The following BNC2 variants were observed in gnomAD, a reference collection of about 807,000 sequenced individuals.
The protein encoded by BNC2 is zinc finger protein basonuclin-2.
A neutral mutation model predicts 76.3 loss-of-function variants in BNC2; 20 were observed. The ratio of observed to expected loss-of-function variants is 0.26; its 90% CI spans 0.18 to 0.38. BNC2 has a LOEUF of 0.38. BNC2 is among the 10% of genes least tolerant of loss of function. The pLI is 1.00. For missense variants in BNC2, 1,382 were observed against 1,399.8 expected (o/e 0.99, Z 0.20); for synonymous variants, 582 against 514.8 (o/e 1.13, Z -1.77).
intron 6 of BNC2, among the ~76,000 whole-genome samples, chr9:16,434,690 G>A (rs1280901323): frequency 1.3e-5 from 2 of 152,044 alleles, no homozygotes; most frequent in Non-Finnish European, 1.5e-5. Flanking sequence ...AAAGAACCTT[G>A]TAGGTTTAGG....
At chr9:16,614,465 A>AAG (rs1554688685) in intron 3 of BNC2, among the ~76,000 whole-genome samples, 2 of 151,198 alleles carry the variant, frequency 1.3e-5, no homozygotes, top group Non-Finnish European at 3.0e-5. Flanking sequence ...CTTTTCTTGA[A>AAG]AAAAAAAAAA....
intron 3 of BNC2, among the ~76,000 whole-genome samples, chr9:16,663,419 T>G (rs946855646): frequency 6.6e-6 from 1 of 152,210 alleles, no homozygotes; most frequent in East Asian, 1.9e-4. Context: ...TGAGCTACCA[T>G]GCCTGGCCCA....
At chr9:16,825,257 G>C (rs1465629628) in intron 1 of BNC2, among the ~76,000 whole-genome samples, 1 of 152,098 alleles carries the variant, frequency 6.6e-6, no homozygotes, top group East Asian at 1.9e-4. Flanking sequence ...AACCGTCAAA[G>C]TTGGGGCTAT....
intron 1 of BNC2, among the ~76,000 whole-genome samples, chr9:16,865,676 AT>A (rs1182649475): frequency 6.6e-6 from 1 of 152,202 alleles, no homozygotes; most frequent in African/African-American, 2.4e-5. Flanking sequence ...CAAAGAGAAA[AT>A]AGAGCAAAAA....
At chr9:16,695,539 T>C (rs1345175514) in intron 3 of BNC2, among the ~76,000 whole-genome samples, 38 of 32,420 alleles carry the variant, frequency 1.2e-3, no homozygotes, top group Non-Finnish European at 8.8e-3. Context: ...TTCTTTCTTT[T>C]TTTTTTTTTT....
intron 5 of BNC2, among the ~76,000 whole-genome samples, chr9:16,498,464 T>C (rs1822446821): frequency 6.7e-6 from 1 of 150,254 alleles, no homozygotes; most frequent in Non-Finnish European, 1.5e-5. Flanking sequence ...GGAGCTAAGC[T>C]ATGAGGACGC....
chr9:16,750,246 T>C (rs1476622328), intron 1 of BNC2, among the ~76,000 whole-genome samples: 1 of 152,242 alleles, frequency 6.6e-6, no homozygotes, highest in East Asian at 1.9e-4. Flanking sequence ...GAAATATAAT[T>C]TGATACTTAT....
chr9:16,768,773 A>G (rs909226703), intron 1 of BNC2, among the ~76,000 whole-genome samples: 1 of 152,204 alleles, frequency 6.6e-6, no homozygotes, highest in African/African-American at 2.4e-5. Flanking sequence ...AAATTAGGAT[A>G]AGTGCTTAAA....
intron 3 of BNC2, among the ~76,000 whole-genome samples, chr9:16,639,637 T>G (rs1251683165): frequency 6.6e-6 from 1 of 151,408 alleles, no homozygotes; most frequent in Non-Finnish European, 1.5e-5. Flanking sequence ...AAATCTCAAG[T>G]CAGGCACACT....
At chr9:16,834,525 C>A (rs1054386642) in intron 1 of BNC2, among the ~76,000 whole-genome samples, 6 of 152,206 alleles carry the variant, frequency 3.9e-5, no homozygotes, top group Admixed American at 2.6e-4. Flanking sequence ...CCACTACCTT[C>A]TCTATGCCCA....
At chr9:16,612,452 A>C (rs918581109) in intron 3 of BNC2, among the ~76,000 whole-genome samples, 7 of 152,174 alleles carry the variant, frequency 4.6e-5, no homozygotes, top group African/African-American at 1.7e-4. Flanking sequence ...TTAGAGTAGA[A>C]TTTGAAAATT....
intron 3 of BNC2, among the ~76,000 whole-genome samples, chr9:16,639,362 G>A (rs1821420927): frequency 6.6e-6 from 1 of 152,128 alleles, no homozygotes. Flanking sequence ...CATCTAGAAA[G>A]AAGAAAAGCT....
chr9:16,463,626 G>T (rs1052462798), intron 5 of BNC2, among the ~76,000 whole-genome samples: 2 of 152,040 alleles, frequency 1.3e-5, no homozygotes, highest in African/African-American at 2.4e-5. Context: ...CAAATGAAGG[G>T]TATACTTGAT....
chr9:16,763,131 A>G (rs1236583612), intron 1 of BNC2, among the ~76,000 whole-genome samples: 1 of 152,192 alleles, frequency 6.6e-6, no homozygotes, highest in Non-Finnish European at 1.5e-5. Context: ...GGTTATGGTG[A>G]TAAGGGCTTT....
intron 3 of BNC2, among the ~76,000 whole-genome samples, chr9:16,585,107 T>A (rs531770741): frequency 8.9e-4 from 136 of 152,260 alleles, no homozygotes; most frequent in African/African-American, 3.2e-3. Flanking sequence ...AATTATTTTA[T>A]AAAAATATCC....
At chr9:16,616,788 G>A (rs1387709900) in intron 3 of BNC2, among the ~76,000 whole-genome samples, 1 of 142,528 alleles carries the variant, frequency 7.0e-6, no homozygotes, top group East Asian at 2.1e-4. Flanking sequence ...GGGGAGGAAG[G>A]AGGGAAGGAA....
intron 5 of BNC2, among the ~76,000 whole-genome samples, chr9:16,524,298 G>C (rs942295478): frequency 1.3e-5 from 2 of 152,192 alleles, no homozygotes; most frequent in East Asian, 3.9e-4. Flanking sequence ...TAACCTGAGA[G>C]TGAATGGGGC....
At chr9:16,673,847 T>A (rs977034891) in intron 3 of BNC2, among the ~76,000 whole-genome samples, 1 of 152,164 alleles carries the variant, frequency 6.6e-6, no homozygotes, top group African/African-American at 2.4e-5. Flanking sequence ...ATGTTTAGTC[T>A]CCCCAGCGTT....
chr9:16,632,780 T>C (rs990403282), intron 3 of BNC2, among the ~76,000 whole-genome samples: 2 of 152,212 alleles, frequency 1.3e-5, no homozygotes, highest in Admixed American at 1.3e-4. Context: ...AAGAGTGTGA[T>C]GCAAATTTTG....
Sources: allele counts gnomAD v4.1 joint callset (sites outside exome capture counted in the v4.1 genomes callset), GRCh38; gene constraint gnomAD v4.1.1; transcripts MANE v1.5; gene names NCBI Gene and HGNC (gene_info 2026-07-23, HGNC 2026-07-21).